The following GRID2 variants were observed in gnomAD, a reference collection of about 807,000 sequenced individuals.
GRID2 encodes the protein glutamate ionotropic receptor delta type subunit 2.
GRID2 carries 33 observed loss-of-function variants against 114.8 expected under a neutral mutation model. That is an observed-to-expected ratio of 0.29 (90% CI 0.22 to 0.38). The LOEUF is 0.38. Among genes scored for constraint, GRID2 ranks in the 10% least tolerant of loss-of-function variants. The probability of loss-of-function intolerance (pLI) is 1.00; values close to 1 mark genes in which losing one functional copy is unlikely to be tolerated. For missense variants in GRID2, 1,184 were observed against 1,257.7 expected (o/e 0.94, Z 0.89); for synonymous variants, 505 against 449.9 (o/e 1.12, Z -1.55).
intron 8 of GRID2, among the ~76,000 whole-genome samples, chr4:93,282,940 A>G (rs1004456173): frequency 3.9e-5 from 6 of 152,008 alleles, no homozygotes; most frequent in African/African-American, 1.4e-4. Flanking sequence ...CAGCTCTCAC[A>G]TGAACTCAGA....
chr4:93,377,621 A>AT (rs1359471368), intron 8 of GRID2, among the ~76,000 whole-genome samples: 3 of 152,160 alleles, frequency 2.0e-5, no homozygotes, highest in Admixed American at 6.6e-5. Context: ...AGTGCTTGTC[A>AT]TTTTTTACCC....
At chr4:92,655,416 T>C (rs1560514388) in intron 2 of GRID2, among the ~76,000 whole-genome samples, 1 of 151,922 alleles carries the variant, frequency 6.6e-6, no homozygotes, top group Non-Finnish European at 1.5e-5. Flanking sequence ...TTTGTTTTTA[T>C]GAAAAATAAC....
intron 8 of GRID2, among the ~76,000 whole-genome samples, chr4:93,334,476 A>C (rs1758824411): frequency 6.6e-6 from 1 of 152,228 alleles, no homozygotes; most frequent in Admixed American, 6.5e-5. Flanking sequence ...AACTAGCCAT[A>C]AAATATTATG....
intron 1 of GRID2, among the ~76,000 whole-genome samples, chr4:92,305,692 AGCAG>A (rs1241697708): frequency 6.6e-5 from 10 of 152,048 alleles, no homozygotes; most frequent in Non-Finnish European, 1.3e-4. Context: ...GGCCGCGGCG[AGCAG>A]GGGCGGGCGG....
intron 1 of GRID2, among the ~76,000 whole-genome samples, chr4:92,515,881 CATTT>C (rs1724478056): frequency 6.6e-6 from 1 of 151,912 alleles, no homozygotes; most frequent in East Asian, 1.9e-4. Flanking sequence ...TTTCTCACTT[CATTT>C]GTCAGAATGA....
At chr4:92,998,203 A>G (rs1315204845) in intron 2 of GRID2, among the ~76,000 whole-genome samples, 1 of 152,058 alleles carries the variant, frequency 6.6e-6, no homozygotes, top group Non-Finnish European at 1.5e-5. Context: ...CTCATAATCA[A>G]TTATTTGGAA....
intron 1 of GRID2, among the ~76,000 whole-genome samples, chr4:92,345,458 T>C (rs894896218): frequency 4.6e-5 from 7 of 152,340 alleles, no homozygotes; most frequent in South Asian, 2.1e-4. Context: ...TTCTTTTCCT[T>C]TGGGTAGATA....
chr4:93,214,499 G>T (rs1055631888), intron 5 of GRID2, among the ~76,000 whole-genome samples: 1 of 152,002 alleles, frequency 6.6e-6, no homozygotes, highest in Admixed American at 6.6e-5. Context: ...AACTGTTTTT[G>T]AGATCACATG....
intron 2 of GRID2, among the ~76,000 whole-genome samples, chr4:92,783,948 C>T (rs771691455): frequency 1.3e-5 from 2 of 151,844 alleles, no homozygotes; most frequent in African/African-American, 2.4e-5. Context: ...CTTCTTAAGA[C>T]GTTTTGGTAA....
At chr4:92,911,057 A>C (rs2149490977) in intron 2 of GRID2, among the ~76,000 whole-genome samples, 1 of 152,222 alleles carries the variant, frequency 6.6e-6, no homozygotes, top group African/African-American at 2.4e-5. Context: ...TAGGACAAAT[A>C]ATGAGACTAT....
chr4:92,885,173 T>G (rs1452807227), intron 2 of GRID2: 1 of 242,930 alleles, frequency 4.1e-6, no homozygotes, highest in Non-Finnish European at 8.1e-6. Flanking sequence ...CTTCAGTCCT[T>G]GTCAGGATAG....
chr4:92,304,731 G>T lies in GRID2; in HGVS notation c.75G>T (p.Ser25=), dbSNP rs771876248. The change falls in exon 1 of 16, where the codon TCG becomes TCT. Residue 25 remains serine, a synonymous_variant. Coordinates refer to ENST00000282020, the MANE Select transcript of GRID2 (RefSeq NM_001510.4). ...CCTGGGACTCGGCGAATGCGGATTC[G>T]ATCATTCACATCGGTAAGAAAGTGT... ...SRTWDSANAD[S]IIHIGAIFDE... 3.1e-6 allele frequency: 5 copies of T among 1,610,014 alleles called. No individual in the cohort carries two copies. The highest frequency in any genetic ancestry group is 1.1e-5 in the South Asian group (1 of 90,980).
chr4:92,492,993 G>A (rs1248393531), intron 1 of GRID2, among the ~76,000 whole-genome samples: 1 of 151,880 alleles, frequency 6.6e-6, no homozygotes, highest in African/African-American at 2.4e-5. Flanking sequence ...GCCAGGTGTG[G>A]TGGCACATGC....
At chr4:92,525,995 G>A (rs949112353) in intron 1 of GRID2, among the ~76,000 whole-genome samples, 4 of 151,998 alleles carry the variant, frequency 2.6e-5, no homozygotes, top group African/African-American at 4.8e-5. Context: ...ATACTACCAC[G>A]GATGAAAACA....
chr4:93,550,285 A>G (rs1281629245), intron 13 of GRID2, among the ~76,000 whole-genome samples: 2 of 152,080 alleles, frequency 1.3e-5, no homozygotes, highest in Non-Finnish European at 2.9e-5. Flanking sequence ...ACTATATTTC[A>G]TAAATAAGAG....
rs577990911 is a variant in GRID2 at position 93,283,755 on chromosome 4, T to C, written c.1245+45265T>C. Among the ~76,000 whole-genome samples the C allele has an allele frequency of 2.6e-5, 4 of 152,240 alleles. No homozygotes were observed. In the South Asian group the frequency reaches 6.2e-4, roughly 24 times the overall value. On this transcript the variant is annotated intron_variant, in intron 8 of 15. Transcript: ENST00000282020. ...AAATATGTAAATCCCCATAGGTGGC[T>C]AAGCGAGCACTTTCAGGTTATTTGG...
chr4:93,680,809 C>T (rs1725448242), intron 14 of GRID2, among the ~76,000 whole-genome samples: 1 of 152,094 alleles, frequency 6.6e-6, no homozygotes, highest in Non-Finnish European at 1.5e-5. Context: ...GTGACAAACC[C>T]CACAGCCAAT....
At chr4:93,290,826 C>G (rs1753657188) in intron 8 of GRID2, among the ~76,000 whole-genome samples, 1 of 147,496 alleles carries the variant, frequency 6.8e-6, no homozygotes, top group Non-Finnish European at 1.5e-5. Context: ...GGGTAAGATG[C>G]TTCATTTATA....
At chr4:92,703,802 C>T (rs962616355) in intron 2 of GRID2, among the ~76,000 whole-genome samples, 30 of 151,874 alleles carry the variant, frequency 2.0e-4, no homozygotes, top group African/African-American at 7.3e-4. Context: ...CTTCTAATTG[C>T]ATCAAACAAA....
Sources: allele counts gnomAD v4.1 joint callset (sites outside exome capture counted in the v4.1 genomes callset), GRCh38; gene constraint gnomAD v4.1.1; transcripts MANE v1.5; gene names NCBI Gene and HGNC (gene_info 2026-07-23, HGNC 2026-07-21).